The following SCN8A variants were observed in gnomAD, a reference collection of about 807,000 sequenced individuals.
SCN8A encodes the protein sodium voltage-gated channel alpha subunit 8.
SCN8A carries 30 observed loss-of-function variants against 184.1 expected under a neutral mutation model. The observed-to-expected ratio is 0.16, with a 90% CI of 0.12 to 0.22. SCN8A has a LOEUF of 0.22. Ranked by LOEUF, SCN8A falls within the 10% of genes least tolerant of loss-of-function variation. SCN8A has a pLI of 1.00. For missense variants in SCN8A, 1,057 were observed against 2,498.9 expected (o/e 0.42, Z 12.30); for synonymous variants, 852 against 907.0 (o/e 0.94, Z 1.09).
At chr12:51,618,167 C>T (rs72644891) in intron 1 of SCN8A, among the ~76,000 whole-genome samples, 3,374 of 152,136 alleles carry the variant, frequency 0.022, 183 homozygotes, top group East Asian at 0.18. Flanking sequence ...GGAGAGTCAA[C>T]GAAGCAAGGG....
At chr12:51,755,067 T>A (rs1459444694) in intron 14 of SCN8A, among the ~76,000 whole-genome samples, 4 of 152,198 alleles carry the variant, frequency 2.6e-5, no homozygotes, top group African/African-American at 9.7e-5. Context: ...ACAAAACCAG[T>A]TTTACCATAG....
rs1381799010 is a variant in SCN8A, at chr12:51,705,633, G to T, written c.1341+10G>T. The T allele has an allele frequency of 6.2e-7, 1 of 1,608,924 alleles. No homozygotes were observed. Among genetic ancestry groups the T allele is most frequent in the South Asian group, 1.1e-5 (1 of 90,008 alleles). ...ACAGGAAGAGGCACAGGTTGGTGAT[G>T]AATTCTTTGCAATAGACCTTCCTGC... On this transcript the variant is annotated intron_variant, in intron 10 of 26. Coordinates refer to ENST00000627620, the MANE Select transcript of SCN8A (RefSeq NM_001330260.2).
intron 1 of SCN8A, among the ~76,000 whole-genome samples, chr12:51,602,760 G>A (rs75021912): frequency 0.024 from 3,625 of 152,136 alleles, 155 homozygotes; most frequent in African/African-American, 0.081. Flanking sequence ...GTGGCTTTGG[G>A]CCAATACACA....
At chr12:51,767,021 G>A (rs1942848530) in intron 16 of SCN8A, among the ~76,000 whole-genome samples, 1 of 151,948 alleles carries the variant, frequency 6.6e-6, no homozygotes, top group African/African-American at 2.4e-5. Flanking sequence ...GACAGTAAAA[G>A]GCTCCTACTC....
chr12:51,777,023 T>C (rs189508033), intron 20 of SCN8A, among the ~76,000 whole-genome samples: 11 of 152,350 alleles, frequency 7.2e-5, no homozygotes, highest in African/African-American at 2.6e-4. Flanking sequence ...GATTGTGTCC[T>C]GTAAAAGAAT....
chr12:51,737,979 C>G (rs1208326094), intron 12 of SCN8A, among the ~76,000 whole-genome samples: 2 of 152,188 alleles, frequency 1.3e-5, no homozygotes, highest in Non-Finnish European at 2.9e-5. Flanking sequence ...TCTAAAGCCT[C>G]CAATTTTTCT....
chr12:51,704,110 C>T (rs886128038), intron 9 of SCN8A, among the ~76,000 whole-genome samples: 2 of 151,548 alleles, frequency 1.3e-5, no homozygotes, highest in Non-Finnish European at 2.9e-5. Context: ...TGGCCAGGCT[C>T]GTCTTGAACT....
At chr12:51,772,375 A>G (rs1163881000) in intron 19 of SCN8A, among the ~76,000 whole-genome samples, 1 of 137,810 alleles carries the variant, frequency 7.3e-6, no homozygotes, top group Non-Finnish European at 1.6e-5. Context: ...AGCCTGGGCA[A>G]CAAGAGCGAA....
chr12:51,642,788 G>C (rs919363311), intron 1 of SCN8A, among the ~76,000 whole-genome samples: 4 of 151,042 alleles, frequency 2.6e-5, no homozygotes, highest in Non-Finnish European at 4.4e-5. Context: ...CAGCTACTTG[G>C]GTAACCCATC....
intron 1 of SCN8A, among the ~76,000 whole-genome samples, chr12:51,624,110 C>G (rs1220517610): frequency 1.3e-5 from 2 of 152,114 alleles, no homozygotes; most frequent in African/African-American, 2.4e-5. Flanking sequence ...GATTTATAGT[C>G]CTTTGGGTAT....
chr12:51,695,959 T>A (rs532142527), intron 6 of SCN8A, among the ~76,000 whole-genome samples: 1 of 152,214 alleles, frequency 6.6e-6, no homozygotes, highest in African/African-American at 2.4e-5. Context: ...TTTCCACTTA[T>A]GTGGACCTGG....
chr12:51,643,528 A>G (rs766727280), intron 1 of SCN8A, among the ~76,000 whole-genome samples: 36 of 152,176 alleles, frequency 2.4e-4, no homozygotes, highest in Non-Finnish European at 5.0e-4. Flanking sequence ...GAACTTTATT[A>G]ATAATTAACT....
chr12:51,810,099 A>G lies in SCN8A; in HGVS notation c.*2670A>G, dbSNP rs924526316. ...ATTAAGCTACTAGGGCATAGTGATGAGATTTTTCTGAGATCTAACCGTTTC... is the reference window on the plus strand; with the variant it reads ...ATTAAGCTACTAGGGCATAGTGATGGGATTTTTCTGAGATCTAACCGTTTC... On this transcript the variant is annotated 3_prime_UTR_variant, in exon 27 of 27. Coordinates refer to ENST00000627620, the MANE Select transcript of SCN8A (RefSeq NM_001330260.2). 5.6e-6 allele frequency: 1 copy of G among 177,794 alleles called. No homozygotes were observed. The highest frequency in any genetic ancestry group is 2.4e-5 in the African/African-American group (1 of 41,880). 11.0% of individuals were successfully genotyped at this position (177,794 alleles called of 1,614,324 possible).
At chr12:51,597,029 T>C (rs1456987582) in intron 1 of SCN8A, among the ~76,000 whole-genome samples, 1 of 152,140 alleles carries the variant, frequency 6.6e-6, no homozygotes, top group Non-Finnish European at 1.5e-5. Flanking sequence ...CTGGGAGGAC[T>C]TTGGGCTAGA....
At chr12:51,623,679 A>G (rs546765357) in intron 1 of SCN8A, among the ~76,000 whole-genome samples, 5 of 152,324 alleles carry the variant, frequency 3.3e-5, no homozygotes, top group Non-Finnish European at 7.4e-5. Context: ...TTAGTTACAT[A>G]TGTAAACATG....
At chr12:51,797,340 GAAA>G (rs970736207) in intron 26 of SCN8A, among the ~76,000 whole-genome samples, 6 of 152,238 alleles carry the variant, frequency 3.9e-5, no homozygotes, top group African/African-American at 1.4e-4. Flanking sequence ...AAAGGAAAAA[GAAA>G]AGAACTAAAA....
intron 24 of SCN8A, among the ~76,000 whole-genome samples, chr12:51,790,102 G>A (rs1015027126): frequency 6.6e-6 from 1 of 152,204 alleles, no homozygotes; most frequent in African/African-American, 2.4e-5. Context: ...TCTGAGATAT[G>A]ACTGCCTTCA....
chr12:51,694,918 A>C (rs1941568846), intron 6 of SCN8A, among the ~76,000 whole-genome samples: 1 of 152,222 alleles, frequency 6.6e-6, no homozygotes, highest in East Asian at 1.9e-4. Flanking sequence ...ATCTCCATAA[A>C]TTGGCATTGA....
chr12:51,693,387 A>G (rs1184310331), intron 6 of SCN8A, among the ~76,000 whole-genome samples: 1 of 152,242 alleles, frequency 6.6e-6, no homozygotes, highest in Non-Finnish European at 1.5e-5. Context: ...AGTTTTGGTC[A>G]CACTTTGTGA....
Sources: gnomAD v4.1 joint callset for allele counts (sites outside exome capture counted in the v4.1 genomes callset) on GRCh38, gnomAD v4.1.1 for gene constraint, MANE v1.5 for transcripts, NCBI Gene and HGNC (gene_info 2026-07-23, HGNC 2026-07-21) for gene names.